Variants in SPATA31F1 observed in about 807,000 individuals in gnomAD.
SPATA31F1 encodes the protein protein SPATA31F1.
the SPATA31F1 span, chr9:34,727,956 G>C: frequency 6.8e-7 from 1 of 1,469,172 alleles, no homozygotes; most frequent in Admixed American, 2.0e-5. Flanking sequence ...TCCTGCCCCA[G>C]GCCAAGCCAA....
the SPATA31F1 span, chr9:34,723,645 G>A: frequency 6.4e-7 from 1 of 1,551,680 alleles, no homozygotes; most frequent in Admixed American, 2.0e-5. Flanking sequence ...TTTTGAGCAT[G>A]GACTGGCATC....
At chr9:34,726,589 T>C in the SPATA31F1 span, 10 of 1,551,940 alleles carry the variant, frequency 6.4e-6, no homozygotes, top group Non-Finnish European at 8.7e-6. Context: ...CTATGGTGTT[T>C]GGGCCCCGGA....
chr9:34,724,945 C>G, the SPATA31F1 span: 2 of 1,551,390 alleles, frequency 1.3e-6, no homozygotes, highest in African/African-American at 2.7e-5. Context: ...CTTCCACAGA[C>G]AAGACTCGGA....
At chr9:34,723,856 G>T in the SPATA31F1 span, 1 of 1,551,692 alleles carries the variant, frequency 6.4e-7, no homozygotes, top group Non-Finnish European at 8.7e-7. Flanking sequence ...TCTCCCCAGG[G>T]ACTCGTGGAG....
chr9:34,724,481 G>T, the SPATA31F1 span: 1 of 1,551,776 alleles, frequency 6.4e-7, no homozygotes, highest in Admixed American at 2.0e-5. Context: ...GTTCTCTGGT[G>T]CTGCAACAGT....
the SPATA31F1 span, chr9:34,723,583 C>A: frequency 1.3e-6 from 2 of 1,551,756 alleles, no homozygotes; most frequent in Non-Finnish European, 1.7e-6. Flanking sequence ...TAATATGCTG[C>A]AGAAAACATT....
the SPATA31F1 span, chr9:34,723,255 T>G: frequency 6.4e-7 from 1 of 1,551,648 alleles, no homozygotes; most frequent in South Asian, 1.2e-5. Flanking sequence ...CCTGGTTTGT[T>G]GGCACAAGCC....
chr9:34,723,766 G>T, the SPATA31F1 span: 27 of 1,551,570 alleles, frequency 1.7e-5, no homozygotes, highest in Non-Finnish European at 2.3e-5. Context: ...ACACAGTCTG[G>T]GCATTCTCAG....
the SPATA31F1 span, chr9:34,728,168 T>C: frequency 8.0e-7 from 1 of 1,252,464 alleles, no homozygotes; most frequent in Non-Finnish European, 1.1e-6. Context: ...CCTTTGACTC[T>C]CATCAAGAAA....
the SPATA31F1 span, chr9:34,728,559 T>C: frequency 2.6e-6 from 4 of 1,532,954 alleles, no homozygotes; most frequent in African/African-American, 2.8e-5. Flanking sequence ...ACAGGATTCA[T>C]GGGAAACACC....
the SPATA31F1 span, among the ~76,000 whole-genome samples, chr9:34,727,347 A>G: frequency 2.0e-5 from 3 of 152,298 alleles, no homozygotes; most frequent in Admixed American, 2.0e-4. Context: ...ACCAGTTAGA[A>G]CCCAGACCAG....
At chr9:34,725,947 C>G in the SPATA31F1 span, 1 of 1,549,830 alleles carries the variant, frequency 6.5e-7, no homozygotes, top group Non-Finnish European at 8.7e-7. Context: ...CACAGAATAG[C>G]TGGCTGTATT....
chr9:34,724,010 C>A, the SPATA31F1 span: 1 of 1,547,360 alleles, frequency 6.5e-7, no homozygotes, highest in Non-Finnish European at 8.7e-7. Flanking sequence ...TTCAGCAGGG[C>A]GTCTCTCTTC....
the SPATA31F1 span, chr9:34,726,897 G>C: frequency 1.3e-6 from 2 of 1,551,786 alleles, no homozygotes; most frequent in Admixed American, 3.9e-5. Flanking sequence ...AGCAATTGCT[G>C]AATCTCCAGA....
chr9:34,728,081 A>G, the SPATA31F1 span: 1 of 1,551,914 alleles, frequency 6.4e-7, no homozygotes, highest in East Asian at 2.4e-5. Flanking sequence ...AACGTCTCCT[A>G]GCTGAGGAAC....
the SPATA31F1 span, chr9:34,728,201 G>A: frequency 5.5e-4 from 458 of 825,966 alleles, no homozygotes; most frequent in Admixed American, 8.5e-4. Flanking sequence ...TGAAAAGTCC[G>A]TACTCTAAGG....
At chr9:34,726,112 T>C in the SPATA31F1 span, 8 of 1,473,914 alleles carry the variant, frequency 5.4e-6, no homozygotes, top group Non-Finnish European at 2.8e-6. Flanking sequence ...TTGTGGACCA[T>C]TCAGAAACCC....
At chr9:34,725,789 G>A in the SPATA31F1 span, 1 of 1,548,572 alleles carries the variant, frequency 6.5e-7, no homozygotes, top group East Asian at 2.4e-5. Flanking sequence ...TGACTGGGGT[G>A]AAGTTTTAGG....
chr9:34,726,740 G>C, the SPATA31F1 span: 1 of 1,551,762 alleles, frequency 6.4e-7, no homozygotes, highest in Non-Finnish European at 8.7e-7. Context: ...TGGGGTTACA[G>C]ATGACAGTGA....
Sources: gnomAD v4.1 joint callset for allele counts (sites outside exome capture counted in the v4.1 genomes callset) on GRCh38, gnomAD v4.1.1 for gene constraint, MANE v1.5 for transcripts, NCBI Gene and HGNC (gene_info 2026-07-23, HGNC 2026-07-21) for gene names.